PDE4D: variants seen among roughly 807,000 people sequenced by gnomAD.
PDE4D encodes phosphodiesterase 4D, also known as 3',5'-cyclic-AMP phosphodiesterase 4D.
A neutral mutation model predicts 87.4 loss-of-function variants in PDE4D; 24 were observed. The observed-to-expected ratio is 0.27, with a 90% confidence interval of 0.20 to 0.39. The LOEUF (loss-of-function observed/expected upper bound fraction) is 0.39. Ranked by LOEUF, PDE4D falls within the 10% of genes least tolerant of loss-of-function variation. The pLI is 1.00. For synonymous variants in PDE4D, 384 were observed against 383.2 expected (o/e 1.00, Z -0.02); for missense variants, 714 against 1,041.0 (o/e 0.69, Z 4.32).
intron 1 of PDE4D, among the ~76,000 whole-genome samples, chr5:59,689,169 G>C (rs1006881339): frequency 6.6e-6 from 1 of 152,150 alleles, no homozygotes; most frequent in African/African-American, 2.4e-5. Flanking sequence ...CATTCCTTCT[G>C]AAACTATTCC....
At chr5:59,923,820 A>G (rs1477341964) in intron 3 of PDE4D, among the ~76,000 whole-genome samples, 1 of 152,250 alleles carries the variant, frequency 6.6e-6, no homozygotes, top group African/African-American at 2.4e-5. Flanking sequence ...TTCAACGCCC[A>G]GACACTGATG....
chr5:60,185,688 C>A lies in PDE4D; in HGVS notation c.-89-1G>T. On this transcript the variant is annotated splice_acceptor_variant, in intron 1 of 16. Transcript: ENST00000502484. LOFTEE classifies it low-confidence loss of function (5UTR_SPLICE). ...ATCCACTCAAAAGCCAACTGGAATGCTGAAAAGAAAAGGAAGGAAATGTTT... is the reference window on the plus strand; with the variant it reads ...ATCCACTCAAAAGCCAACTGGAATGATGAAAAGAAAAGGAAGGAAATGTTT... The A allele has an allele frequency of 1.3e-6, 1 of 750,050 alleles. No individual in the cohort carries two copies. Among genetic ancestry groups the A allele is most frequent in the Non-Finnish European group, 2.2e-6 (1 of 449,808 alleles). The allele number at this position is 750,050 out of a possible 1,614,324, so 46.5% of individuals were successfully genotyped here. A position where few individuals can be genotyped will look rare whatever the true frequency, so the allele number is the denominator to read the frequency against.
intron 2 of PDE4D, among the ~76,000 whole-genome samples, chr5:59,206,728 T>C (rs924091811): frequency 2.6e-5 from 4 of 152,228 alleles, no homozygotes; most frequent in Non-Finnish European, 5.9e-5. Context: ...GGTGCTACTG[T>C]TATTTTCCAA....
At chr5:60,099,744 G>A (rs971920382) in intron 2 of PDE4D, among the ~76,000 whole-genome samples, 3 of 151,970 alleles carry the variant, frequency 2.0e-5, no homozygotes, top group Non-Finnish European at 2.9e-5. Flanking sequence ...GTTTTTGAAA[G>A]GATGTGTGAA....
chr5:59,424,925 G>A (rs919584532), intron 1 of PDE4D, among the ~76,000 whole-genome samples: 1 of 152,144 alleles, frequency 6.6e-6, no homozygotes, highest in South Asian at 2.1e-4. Context: ...AAGTGTATGT[G>A]TAATTTTGCC....
rs186784320 is a variant in PDE4D at position 60,310,985 on chromosome 5, T to C, written c.-89-125298A>G. On this transcript the variant is annotated intron_variant, in intron 1 of 16. Coordinates refer to the PDE4D transcript ENST00000502484. ...AGGTTCACACTTAGGCAATTTTTAT[T>C]AGCTAATCTGAGTCCAACTCATTAA... 3.3e-5 allele frequency among the ~76,000 whole-genome samples: 5 copies of C among 152,186 alleles called. No individual in the cohort carries two copies. In the South Asian group the frequency reaches 8.3e-4, roughly 25 times the overall value.
chr5:59,283,266 C>G (rs1766198700), intron 1 of PDE4D, among the ~76,000 whole-genome samples: 1 of 152,118 alleles, frequency 6.6e-6, no homozygotes, highest in Non-Finnish European at 1.5e-5. Flanking sequence ...TGTTACTGCA[C>G]TAGTATTTGA....
intron 1 of PDE4D, among the ~76,000 whole-genome samples, chr5:59,482,049 TA>T (rs967784405): frequency 2.0e-5 from 3 of 151,658 alleles, no homozygotes; most frequent in East Asian, 1.9e-4. Flanking sequence ...AGAAAAATAA[TA>T]AAAAAAAATT....
At chr5:60,148,751 TGAAA>T (rs1393045564) in intron 2 of PDE4D, among the ~76,000 whole-genome samples, 5 of 152,326 alleles carry the variant, frequency 3.3e-5, no homozygotes, top group African/African-American at 1.2e-4. Flanking sequence ...ATTTAGATAA[TGAAA>T]GATAGACTTA....
intron 1 of PDE4D, among the ~76,000 whole-genome samples, chr5:59,635,010 G>A (rs76873825): frequency 6.6e-6 from 1 of 152,134 alleles, no homozygotes; most frequent in Non-Finnish European, 1.5e-5. Flanking sequence ...GAAGAAAAGA[G>A]AGAAGAATCA....
intron 1 of PDE4D, among the ~76,000 whole-genome samples, chr5:60,218,838 G>A (rs985153032): frequency 6.6e-6 from 1 of 151,920 alleles, no homozygotes; most frequent in South Asian, 2.1e-4. Context: ...TGAAAATCAG[G>A]GAAAATAAAA....
intron 1 of PDE4D, among the ~76,000 whole-genome samples, chr5:60,264,006 TAATAA>T (rs1562269999): frequency 6.6e-6 from 1 of 150,974 alleles, no homozygotes; most frequent in Non-Finnish European, 1.5e-5. Flanking sequence ...AAAATAAAAA[TAATAA>T]AATAAATAAT....
At chr5:60,257,276 GA>G (rs1337177147) in intron 1 of PDE4D, among the ~76,000 whole-genome samples, 1 of 150,652 alleles carries the variant, frequency 6.6e-6, no homozygotes, top group Non-Finnish European at 1.5e-5. Context: ...GAGAGAAAGA[GA>G]AAAAAGAAAA....
chr5:59,156,329 A>ATGTGTG (rs1393762751), intron 5 of PDE4D, among the ~76,000 whole-genome samples: 1 of 133,494 alleles, frequency 7.5e-6, no homozygotes, highest in Admixed American at 7.2e-5. Flanking sequence ...AAATATATAT[A>ATGTGTG]TATGTGTGTG....
At chr5:60,230,251 G>A (rs940222880) in intron 1 of PDE4D, among the ~76,000 whole-genome samples, 1 of 152,004 alleles carries the variant, frequency 6.6e-6, no homozygotes, top group African/African-American at 2.4e-5. Context: ...CATCTTGAGG[G>A]CTTTATTGAT....
At chr5:60,160,039 C>T (rs531032637) in intron 2 of PDE4D, among the ~76,000 whole-genome samples, 1 of 152,214 alleles carries the variant, frequency 6.6e-6, no homozygotes, top group African/African-American at 2.4e-5. Flanking sequence ...AACCTGACCT[C>T]TTCTTTCTCC....
At chr5:60,205,711 C>G (rs1372534947) in intron 1 of PDE4D, among the ~76,000 whole-genome samples, 1 of 140,292 alleles carries the variant, frequency 7.1e-6, no homozygotes, top group East Asian at 2.0e-4. Flanking sequence ...TATGGTGAAA[C>G]CCCGTCTCTA....
chr5:60,264,388 G>A (rs1749966165), intron 1 of PDE4D, among the ~76,000 whole-genome samples: 1 of 152,168 alleles, frequency 6.6e-6, no homozygotes, highest in Non-Finnish European at 1.5e-5. Flanking sequence ...ACAGTACCTT[G>A]GCCTAGCTAT....
chr5:59,092,451 T>C (rs960328265), intron 5 of PDE4D, among the ~76,000 whole-genome samples: 14 of 152,192 alleles, frequency 9.2e-5, no homozygotes, highest in African/African-American at 3.4e-4. Context: ...CTTACTAATT[T>C]GCAAACCTAA....
Sources: gnomAD v4.1 joint callset for allele counts (sites outside exome capture counted in the v4.1 genomes callset) on GRCh38, gnomAD v4.1.1 for gene constraint, MANE v1.5 for transcripts, NCBI Gene and HGNC (gene_info 2026-07-23, HGNC 2026-07-21) for gene names.